Variants in COL18A1 observed in about 807,000 individuals in gnomAD.
COL18A1 encodes collagen alpha-1(XVIII) chain.
In COL18A1, 133 loss-of-function variants were observed where a neutral mutation model predicts 168.0. That is an observed-to-expected ratio of 0.79 (90% CI 0.69 to 0.91). The LOEUF (loss-of-function observed/expected upper bound fraction) is 0.91, where lower values mean the gene tolerates loss of function less well. Ranked by LOEUF, COL18A1 falls within the 40% of genes least tolerant of loss-of-function variation. COL18A1 has a pLI of 0.00. For synonymous variants in COL18A1, 949 were observed against 809.0 expected (o/e 1.17, Z -2.94); for missense variants, 2,126 against 1,925.4 (o/e 1.10, Z -1.95).
chr21:45,497,933 G>C (rs2036597370), intron 32 of COL18A1: 3 of 606,054 alleles, frequency 5.0e-6, no homozygotes, highest in South Asian at 2.0e-5. Context: ...CTAGACCCAG[G>C]TGGGCACTGC....
At position 45,443,673 on chromosome 21, in the gene COL18A1, G is replaced by A. The variant is rs1041826873; in HGVS notation, c.107-24569G>A. On this transcript the variant is annotated intron_variant, in intron 2 of 41. Coordinates refer to ENST00000651438, the MANE Select transcript of COL18A1 (RefSeq NM_001379500.1). The surrounding 1 kb of genome is among the most constrained non-coding windows in gnomAD (Gnocchi z 5.2). The stretch of plus-strand genomic sequence containing the variant: ...GTCCTGTACCTGTCTGTCACATCCC[G>A]GGCTGCAGCCGGGTCCCCAGGGAGG... Among the ~76,000 whole-genome samples, 5 of 152,172 alleles carry A rather than the reference G, an allele frequency of 3.3e-5. No individual in the cohort carries two copies. Among genetic ancestry groups the A allele is most frequent in the Non-Finnish European group, 5.9e-5 (4 of 68,026 alleles).
intron 26 of COL18A1, 115 bp downstream of exon 26, chr21:45,493,690 A>G: frequency 1.3e-6 from 1 of 798,342 alleles, no homozygotes; most frequent in South Asian, 1.6e-5. Flanking sequence ...TCTCCCAAGC[A>G]GGGCTCTACC....
intron 21 of COL18A1, 135 bp downstream of exon 21, chr21:45,491,006 G>A: frequency 2.1e-6 from 2 of 944,806 alleles, no homozygotes; most frequent in Admixed American, 4.2e-5. Context: ...CCCTCAAGTT[G>A]ACAGGGGTGG....
chr21:45,477,359 G>C, intron 6 of COL18A1, 52 bp from the exon 7 acceptor site: 1 of 1,509,618 alleles, frequency 6.6e-7, no homozygotes, highest in Non-Finnish European at 9.0e-7. Context: ...CGAGAGCAGA[G>C]CTGGGGCCAC....
intron 39 of COL18A1, 109 bp from the exon 40 acceptor site, chr21:45,509,955 C>A: frequency 7.7e-7 from 1 of 1,293,134 alleles, no homozygotes; most frequent in South Asian, 1.4e-5. Flanking sequence ...CGCTCAGCGC[C>A]CCTCGGCCGT....
At chr21:45,454,408 G>A (rs1435376450) in intron 2 of COL18A1, among the ~76,000 whole-genome samples, 2 of 152,176 alleles carry the variant, frequency 1.3e-5, no homozygotes, top group Non-Finnish European at 2.9e-5. Flanking sequence ...CCTGGAGGAG[G>A]CAGGGTGACG....
chr21:45,430,220 C>T (rs2033919420), intron 2 of COL18A1, among the ~76,000 whole-genome samples: 1 of 145,616 alleles, frequency 6.9e-6, no homozygotes, highest in African/African-American at 2.6e-5. Context: ...CCCTCTCGCC[C>T]TCTCCTGTAT....
chr21:45,508,982 G>C (rs1329657777), intron 38 of COL18A1, among the ~76,000 whole-genome samples: 1 of 152,126 alleles, frequency 6.6e-6, no homozygotes, highest in Non-Finnish European at 1.5e-5. Flanking sequence ...GGTCACCTCT[G>C]AGGGAGACAG....
intron 9 of COL18A1, among the ~76,000 whole-genome samples, chr21:45,479,480 C>T (rs1205149671): frequency 6.6e-6 from 1 of 152,160 alleles, no homozygotes; most frequent in African/African-American, 2.4e-5. Context: ...CACACATACA[C>T]ATACCACGTG....
At position 45,480,853 on chromosome 21, in the gene COL18A1, C is replaced by T. The variant is rs1813317453; in HGVS notation, c.1606C>T (p.Leu536Phe). The change falls in exon 13 of 42, where the codon CTC (leucine) becomes TTC (phenylalanine). Residue 536 changes from leucine to phenylalanine, a missense_variant. Physicochemically the swap from Leu to Phe is conservative, Grantham distance 22 (BLOSUM62 0). Transcript: ENST00000651438. ...CGAGGGTCCCCCCGGGTTTCCTGGC[C>T]TCCCGGTAAGTCCTGCCTCCACCGT... ...GREGPPGFPG[L>F]PGPPGPPGRE... 1.9e-6 allele frequency: 3 copies of T among 1,610,352 alleles called. No homozygotes were observed. Among genetic ancestry groups the T allele is most frequent in the African/African-American group, 2.7e-5 (2 of 74,874 alleles).
At chr21:45,437,976 TCA>T (rs148876258) in intron 2 of COL18A1, among the ~76,000 whole-genome samples, 5 of 11,958 alleles carry the variant, frequency 4.2e-4, no homozygotes, top group Non-Finnish European at 5.8e-4. Flanking sequence ...ACACACACAC[TCA>T]CACACTCAGA....
At chr21:45,509,645 G>A (rs1035617713) in intron 39 of COL18A1, 44 bp downstream of exon 39, 34 of 1,029,122 alleles carry the variant, frequency 3.3e-5, no homozygotes, top group East Asian at 2.3e-4. Context: ...CTAGCCCCTC[G>A]GCTCTCGGCA....
In COL18A1 at chr21:45,455,986, T is replaced by C; in HGVS notation, c.107-12256T>C. ...TCCTGGAGACTCCTGTGGGCCCCCT[T>C]GCCCTCGCTGGGCCTTCCAGCACCC... On this transcript the variant is annotated intron_variant, in intron 2 of 41. Coordinates refer to ENST00000651438, the MANE Select transcript of COL18A1 (RefSeq NM_001379500.1). 1 of 1,612,928 alleles carries C rather than the reference T, an allele frequency of 6.2e-7. No individual in the cohort carries two copies. Among genetic ancestry groups the C allele is most frequent in the Non-Finnish European group, 8.5e-7 (1 of 1,179,962 alleles).
intron 2 of COL18A1, among the ~76,000 whole-genome samples, chr21:45,415,197 C>T (rs549106846): frequency 1.7e-3 from 263 of 152,250 alleles, no homozygotes; most frequent in Middle Eastern, 3.4e-3. Context: ...CTCTCACCTG[C>T]GAAGGGCCAC....
chr21:45,511,082 CACACACAT>C (rs1371122643), intron 40 of COL18A1, 21 bp from the exon 41 acceptor site: 5 of 1,091,522 alleles, frequency 4.6e-6, no homozygotes, highest in Non-Finnish European at 3.9e-6. Context: ...CCACACACCA[CACACACAT>C]ACACACGGTT....
intron 2 of COL18A1, chr21:45,456,667 G>C (rs975440337): frequency 1.3e-6 from 2 of 1,532,838 alleles, no homozygotes; most frequent in Admixed American, 2.0e-5. Context: ...TGCTGCAGAC[G>C]CACTGCCACC....
intron 13 of COL18A1, among the ~76,000 whole-genome samples, chr21:45,481,605 C>G (rs2035897816): frequency 6.6e-6 from 1 of 152,234 alleles, no homozygotes; most frequent in Non-Finnish European, 1.5e-5. Flanking sequence ...ATGGCAAGTG[C>G]TCCCCAGAAT....
At chr21:45,465,849 G>T (rs2035185756) in intron 2 of COL18A1, among the ~76,000 whole-genome samples, 2 of 152,222 alleles carry the variant, frequency 1.3e-5, no homozygotes, top group Non-Finnish European at 2.9e-5. Flanking sequence ...TCTCTGAGGG[G>T]TTTGCCCTTT....
Position 45,477,937 on chromosome 21 carries a change from A to T in COL18A1, c.1193A>T (p.Asp398Val). 2.6e-6 allele frequency: 4 copies of T among 1,557,162 alleles called. No individual in the cohort carries two copies. The highest frequency in any genetic ancestry group is 3.5e-6 in the Non-Finnish European group (4 of 1,148,552). ...PQGPPGPPGR[D>V]GTPGRDGEPG... Reference sequence around the variant, plus strand: ...GGACCCCCAGGGCCTCCGGGGAGGGACGGCACCCCTGGAAGGGACGGCGAG... The same window carrying T: ...GGACCCCCAGGGCCTCCGGGGAGGGTCGGCACCCCTGGAAGGGACGGCGAG... Residue 398 changes from aspartate to valine, a missense_variant, in exon 8 of 42, where the codon GAC (aspartate) becomes GTC (valine). Physicochemically the swap from Asp to Val is radical, Grantham distance 152. Coordinates refer to ENST00000651438, the MANE Select transcript of COL18A1 (RefSeq NM_001379500.1).
Sources: allele counts gnomAD v4.1 joint callset (sites outside exome capture counted in the v4.1 genomes callset), GRCh38; gene constraint gnomAD v4.1.1; non-coding constraint Gnocchi (gnomAD v3.1); transcripts MANE v1.5; gene names NCBI Gene and HGNC (gene_info 2026-07-23, HGNC 2026-07-21).